PPP1R7: variants seen among roughly 807,000 people sequenced by gnomAD.
PPP1R7 encodes protein phosphatase 1 regulatory subunit 7, also known as protein phosphatase 1 regulatory subunit 22.
In PPP1R7, 18 loss-of-function variants were observed where a neutral mutation model predicts 45.2. The ratio of observed to expected loss-of-function variants is 0.40; its 90% confidence interval spans 0.28 to 0.59. The LOEUF is 0.59. PPP1R7 is among the 20% of genes least tolerant of loss of function. The probability of loss-of-function intolerance (pLI) is 0.46; values close to 1 mark genes in which losing one functional copy is unlikely to be tolerated. For synonymous variants in PPP1R7, 181 were observed against 183.4 expected (o/e 0.99, Z 0.11); for missense variants, 314 against 455.8 (o/e 0.69, Z 2.83).
rs947025175 is a variant in PPP1R7, at chr2:241,153,693, G to T, written c.181+89G>T. On this transcript the variant is annotated intron_variant, in intron 2 of 9. Transcript: ENST00000234038. ...GTCTGGCCCTGGGTGTGGGTGCTGT[G>T]TCGGTCTGGAGAAGGACTGCCGTGC... is the stretch of plus-strand genomic sequence containing the variant. The T allele has an allele frequency of 7.9e-6, 12 of 1,525,234 alleles. No individual in the cohort carries two copies. The African/African-American group carries it at 1.4e-4, about 17-fold the overall frequency. 94.5% of individuals were successfully genotyped at this position (1,525,234 alleles called of 1,614,324 possible).
At chr2:241,150,304 G>A, upstream of PPP1R7, 1 of 1,334,352 alleles carries the variant, frequency 7.5e-7, no homozygotes, top group Non-Finnish European at 9.6e-7. Flanking sequence ...GAAATTACCT[G>A]CTCTGGGGGA....
intron 9 of PPP1R7, among the ~76,000 whole-genome samples, chr2:241,179,150 A>C (rs1445246142): frequency 6.6e-6 from 1 of 152,192 alleles, no homozygotes; most frequent in Non-Finnish European, 1.5e-5. Flanking sequence ...AGCCAAGAAG[A>C]TGTTCTCTAG....
At chr2:241,150,006 G>A, upstream of PPP1R7, 1 of 1,404,624 alleles carries the variant, frequency 7.1e-7, no homozygotes, top group South Asian at 1.5e-5. Context: ...TGCTCTTGCC[G>A]TTCGGCCCAT....
At chr2:241,150,195 C>G, upstream of PPP1R7, 2 of 1,273,186 alleles carry the variant, frequency 1.6e-6, no homozygotes. Flanking sequence ...TAGACGTCCA[C>G]TCCGTCTGCC....
At chr2:241,150,437 G>T (rs1391301809), upstream of PPP1R7, 2 of 1,484,978 alleles carry the variant, frequency 1.3e-6, no homozygotes, top group East Asian at 2.8e-5. Flanking sequence ...TGAGGCGGGA[G>T]CCCTGATTGG....
chr2:241,180,268 T>G (rs1008525497), intron 9 of PPP1R7, among the ~76,000 whole-genome samples: 1 of 152,004 alleles, frequency 6.6e-6, no homozygotes, highest in Admixed American at 6.6e-5. Flanking sequence ...TTTTTGTGTG[T>G]TTTGTGGTAG....
intron 9 of PPP1R7, among the ~76,000 whole-genome samples, chr2:241,175,467 T>C (rs534280020): frequency 6.6e-6 from 1 of 152,374 alleles, no homozygotes; most frequent in East Asian, 1.9e-4. Flanking sequence ...CTCAGCATAT[T>C]GACCTGAAGA....
At chr2:241,177,197 C>T (rs1434882769) in intron 9 of PPP1R7, among the ~76,000 whole-genome samples, 4 of 152,158 alleles carry the variant, frequency 2.6e-5, no homozygotes, top group Non-Finnish European at 4.4e-5. Context: ...TGCCACTGCA[C>T]GATCAGGTCA....
chr2:241,161,667 A>G (rs930349946), intron 6 of PPP1R7, among the ~76,000 whole-genome samples: 66 of 152,382 alleles, frequency 4.3e-4, no homozygotes, highest in African/African-American at 1.3e-3. Context: ...GGTGTTCCAC[A>G]GAAGCAGGAT....
chr2:241,153,307 A>G (rs1481170298), intron 1 of PPP1R7, among the ~76,000 whole-genome samples, 169 bp from the exon 2 acceptor site: 1 of 152,204 alleles, frequency 6.6e-6, no homozygotes. Context: ...CCCCGCGGCC[A>G]TATGCCTCAA....
intron 6 of PPP1R7, among the ~76,000 whole-genome samples, chr2:241,161,009 T>C (rs373243399): frequency 1.2e-4 from 17 of 137,122 alleles, no homozygotes; most frequent in Admixed American, 1.5e-4. Context: ...TTGGAGTGAA[T>C]TGATGTACAT....
At chr2:241,153,400 C>T in intron 1 of PPP1R7, 76 bp from the exon 2 acceptor site, 2 of 1,567,598 alleles carry the variant, frequency 1.3e-6, no homozygotes, top group Non-Finnish European at 8.7e-7. Flanking sequence ...TTTTGACTTA[C>T]AACCGGGTGT....
chr2:241,173,656 G>C (rs370070999), intron 9 of PPP1R7, among the ~76,000 whole-genome samples: 8 of 152,290 alleles, frequency 5.3e-5, no homozygotes, highest in African/African-American at 1.9e-4. Context: ...TTCTGCCCTT[G>C]CTCCTCACCC....
At chr2:241,163,821 C>T (rs1458282232) in intron 7 of PPP1R7, among the ~76,000 whole-genome samples, 2 of 152,144 alleles carry the variant, frequency 1.3e-5, no homozygotes, top group Non-Finnish European at 2.9e-5. Context: ...CACTATGTTG[C>T]CTAGGCTGGT....
At position 241,159,248 on chromosome 2, in the gene PPP1R7, T is replaced by C. The variant is rs780318971; in HGVS notation, c.339T>C (p.Ile113=). 2.0e-5 allele frequency: 32 copies of C among 1,613,394 alleles called. No individual in the cohort carries two copies. The highest frequency in any genetic ancestry group is 2.7e-5 in the Non-Finnish European group (32 of 1,179,634). The change falls in exon 5 of 10, where the codon ATT becomes ATC. Residue 113 remains isoleucine (I), a synonymous_variant. Coordinates refer to ENST00000234038, the MANE Select transcript of PPP1R7 (RefSeq NM_002712.3). ...TCCGCCAAAATTTAATTAAATGCAT[T>C]GAGAATCTGGAGGAGCTACAGAGTC... is the stretch of plus-strand genomic sequence containing the variant. ...LCLRQNLIKC[I]ENLEELQSLR...
intron 9 of PPP1R7, among the ~76,000 whole-genome samples, chr2:241,178,522 T>C (rs2067945236): frequency 6.9e-6 from 1 of 144,488 alleles, no homozygotes; most frequent in Non-Finnish European, 1.5e-5. Flanking sequence ...AGTGGCGTGA[T>C]CTCGGCTCAC....
At chr2:241,152,537 A>G (rs1404930921) in intron 1 of PPP1R7, among the ~76,000 whole-genome samples, 1 of 152,210 alleles carries the variant, frequency 6.6e-6, no homozygotes, top group African/African-American at 2.4e-5. Flanking sequence ...GGTGGGTTTT[A>G]TAAGGACTTG....
intron 9 of PPP1R7, among the ~76,000 whole-genome samples, chr2:241,175,786 G>A (rs903057491): frequency 9.2e-5 from 14 of 151,930 alleles, no homozygotes; most frequent in Non-Finnish European, 1.6e-4. Context: ...GTTTTGTTTC[G>A]TTTTTTGTTT....
At chr2:241,156,622 T>C (rs2067462912) in intron 2 of PPP1R7, among the ~76,000 whole-genome samples, 1 of 152,188 alleles carries the variant, frequency 6.6e-6, no homozygotes, top group Non-Finnish European at 1.5e-5. Flanking sequence ...TGCAGTGAGC[T>C]ATGATCACAC....
Sources: allele counts gnomAD v4.1 joint callset (sites outside exome capture counted in the v4.1 genomes callset), GRCh38; gene constraint gnomAD v4.1.1; transcripts MANE v1.5; gene names NCBI Gene and HGNC (gene_info 2026-07-23, HGNC 2026-07-21).